The following AK4 variants were observed in gnomAD, a reference collection of about 807,000 sequenced individuals.
AK4 encodes adenylate kinase 4, mitochondrial.
AK4 carries 13 observed loss-of-function variants against 24.6 expected under a neutral mutation model. The observed-to-expected ratio is 0.53, with a 90% CI of 0.34 to 0.84. The LOEUF (loss-of-function observed/expected upper bound fraction) is 0.84, where lower values mean the gene tolerates loss of function less well. Among genes scored for constraint, AK4 ranks in the 40% least tolerant of loss-of-function variants. The pLI, the probability that AK4 is intolerant of heterozygous loss-of-function variation, is 0.01. For synonymous variants in AK4, 88 were observed against 107.0 expected, an observed-to-expected ratio of 0.82 and a Z score of 1.10; for missense variants, 192 against 288.2, an observed-to-expected ratio of 0.67 and a Z score of 2.42.
chr1:65,204,387 G>T (rs1651753455), intron 2 of AK4, among the ~76,000 whole-genome samples: 1 of 151,854 alleles, frequency 6.6e-6, no homozygotes. Flanking sequence ...TTTTGATAGA[G>T]ACAGGGTTTC....
chr1:65,219,994 A>G (rs1214655301), intron 3 of AK4, among the ~76,000 whole-genome samples: 1 of 152,244 alleles, frequency 6.6e-6, no homozygotes, highest in African/African-American at 2.4e-5. Context: ...TTGGAATCAT[A>G]TAGTATATCT....
chr1:65,194,895 T>G (rs1651420910), intron 2 of AK4, among the ~76,000 whole-genome samples: 1 of 152,192 alleles, frequency 6.6e-6, no homozygotes, highest in African/African-American at 2.4e-5. Context: ...TCCAAATTCT[T>G]CAGCCTCTAC....
At chr1:65,183,687 GTGTGTGTA>G (rs1307305555) in intron 1 of AK4, among the ~76,000 whole-genome samples, 11 of 149,228 alleles carry the variant, frequency 7.4e-5, no homozygotes, top group East Asian at 1.9e-4. Flanking sequence ...GTGTGTGTGT[GTGTGTGTA>G]TGTATGTGTC....
intron 1 of AK4, among the ~76,000 whole-genome samples, chr1:65,156,853 G>A (rs777276865): frequency 2.6e-5 from 4 of 151,312 alleles, no homozygotes; most frequent in African/African-American, 7.3e-5. Context: ...TTGAACCCGG[G>A]AGGCGGAGGT....
At chr1:65,209,741 C>T (rs1651916456) in intron 2 of AK4, among the ~76,000 whole-genome samples, 1 of 152,212 alleles carries the variant, frequency 6.6e-6, no homozygotes, top group South Asian at 2.1e-4. Flanking sequence ...ATTTAAGACA[C>T]CATTTCATAT....
At chr1:65,190,909 A>G (rs1302239682) in intron 2 of AK4, 80 bp downstream of exon 2, 25 of 1,465,312 alleles carry the variant, frequency 1.7e-5, no homozygotes. Flanking sequence ...TTCTTACCGA[A>G]TGGAAAATGC....
At chr1:65,169,557 C>G (rs1650442469) in intron 1 of AK4, among the ~76,000 whole-genome samples, 1 of 152,072 alleles carries the variant, frequency 6.6e-6, no homozygotes, top group South Asian at 2.1e-4. Context: ...TACACAGATT[C>G]ATATATATTG....
intron 1 of AK4, among the ~76,000 whole-genome samples, chr1:65,167,802 G>A (rs1281472823): frequency 1.3e-5 from 2 of 152,156 alleles, no homozygotes; most frequent in Non-Finnish European, 2.9e-5. Flanking sequence ...CTAATTGTTG[G>A]AAGATTTTTT....
chr1:65,185,759 C>A (rs1557451640), intron 1 of AK4, among the ~76,000 whole-genome samples: 3 of 151,752 alleles, frequency 2.0e-5, no homozygotes, highest in African/African-American at 7.3e-5. Context: ...TACAGATAGG[C>A]ACATGCCACC....
At chr1:65,156,738 A>G (rs964650493) in intron 1 of AK4, among the ~76,000 whole-genome samples, 1 of 152,144 alleles carries the variant, frequency 6.6e-6, no homozygotes, top group East Asian at 1.9e-4. Flanking sequence ...CCTGACGAAC[A>G]TGGTGAAACC....
At position 65,231,749 on chromosome 1, in the gene AK4, A is replaced by G. The variant is rs1274927728; in HGVS notation, c.*5572A>G. 1 of 152,228 alleles carries G rather than the reference A, an allele frequency of 6.6e-6. No individual in the cohort carries two copies. Among genetic ancestry groups the G allele is most frequent in the East Asian group, 1.9e-4 (1 of 5,202 alleles). The allele number at this position is 152,228 out of a possible 1,614,324, so 9.4% of individuals were successfully genotyped here. On this transcript the variant is annotated 3_prime_UTR_variant, in exon 5 of 5. Transcript: ENST00000327299. ...CTTTTCTAGTTTTATGAGAATTTGTACTACTGATTTTTATATATTCCTGTT... is the reference window on the plus strand; with the variant it reads ...CTTTTCTAGTTTTATGAGAATTTGTGCTACTGATTTTTATATATTCCTGTT...
At chr1:65,193,737 T>C (rs1231868821) in intron 2 of AK4, among the ~76,000 whole-genome samples, 1 of 152,204 alleles carries the variant, frequency 6.6e-6, no homozygotes, top group African/African-American at 2.4e-5. Flanking sequence ...GTGCAAGGGT[T>C]TTGCATCCTG....
At position 65,196,157 on chromosome 1, in the gene AK4, A is replaced by C. The variant is rs538825587; in HGVS notation, c.265+5328A>C. ...CAGCTTTAGACTCCTTATGTTACACAGGCACATGCTCTGCGGAGGACGTGC... is the reference window on the plus strand; with the variant it reads ...CAGCTTTAGACTCCTTATGTTACACCGGCACATGCTCTGCGGAGGACGTGC... On this transcript the variant is annotated intron_variant, in intron 2 of 4. Transcript: ENST00000327299. Among the ~76,000 whole-genome samples the C allele has an allele frequency of 5.3e-5, 8 of 152,330 alleles. No homozygotes were observed. In the South Asian group the frequency reaches 1.7e-3, roughly 32 times the overall value.
At chr1:65,166,653 GCC>G (rs1650340275) in intron 1 of AK4, among the ~76,000 whole-genome samples, 2 of 152,086 alleles carry the variant, frequency 1.3e-5, no homozygotes, top group African/African-American at 2.4e-5. Context: ...TTCCCATGTA[GCC>G]AGGACTACAG....
chr1:65,169,045 G>A (rs1388968015), intron 1 of AK4, among the ~76,000 whole-genome samples: 1 of 151,914 alleles, frequency 6.6e-6, no homozygotes, highest in African/African-American at 2.4e-5. Context: ...CTGTGGTGGT[G>A]TACCCCGGTA....
chr1:65,196,500 C>CT (rs1193837324), intron 2 of AK4, among the ~76,000 whole-genome samples: 5 of 152,182 alleles, frequency 3.3e-5, no homozygotes, highest in African/African-American at 1.2e-4. Flanking sequence ...GAGTCTCTCT[C>CT]TGTCACCCAG....
In AK4 at chr1:65,226,209, G is replaced by T; in HGVS notation, c.*32G>T. 6.5e-7 allele frequency: 1 copy of T among 1,544,158 alleles called. No homozygotes were observed. Among genetic ancestry groups the T allele is most frequent in the African/African-American group, 1.4e-5 (1 of 73,498 alleles). On this transcript the variant is annotated 3_prime_UTR_variant, in exon 5 of 5. Coordinates refer to ENST00000327299, the MANE Select transcript of AK4 (RefSeq NM_013410.4). ...CCAATGGAAGAACCAGGAAGATGTG[G>T]TCATTCATTCAATAGTGTGTGTAGT...
At chr1:65,195,210 C>G (rs1031488470) in intron 2 of AK4, among the ~76,000 whole-genome samples, 7 of 152,256 alleles carry the variant, frequency 4.6e-5, no homozygotes, top group Admixed American at 2.0e-4. Flanking sequence ...CAGGAGCCCA[C>G]TCCTGAGATA....
intron 1 of AK4, among the ~76,000 whole-genome samples, chr1:65,182,488 C>T (rs1335262472): frequency 4.6e-5 from 7 of 151,486 alleles, no homozygotes; most frequent in East Asian, 1.9e-4. Context: ...GCCCCACCTG[C>T]GTTACTTATT....
Sources: gnomAD v4.1 joint callset for allele counts (sites outside exome capture counted in the v4.1 genomes callset) on GRCh38, gnomAD v4.1.1 for gene constraint, MANE v1.5 for transcripts, NCBI Gene and HGNC (gene_info 2026-07-23, HGNC 2026-07-21) for gene names.